Variants in ANKRD12 observed in about 807,000 individuals in gnomAD.
ANKRD12 encodes ankyrin repeat domain-containing protein 12.
ANKRD12 carries 85 observed loss-of-function variants against 183.4 expected under a neutral mutation model. The observed-to-expected ratio is 0.46, with a 90% CI of 0.39 to 0.56. ANKRD12 has a LOEUF of 0.56. Among genes scored for constraint, ANKRD12 ranks in the 20% least tolerant of loss-of-function variants. The pLI is 0.00. For missense variants in ANKRD12, 2,405 were observed against 2,357.1 expected (o/e 1.02, Z -0.42); for synonymous variants, 914 against 800.2 (o/e 1.14, Z -2.40).
intron 8 of ANKRD12, among the ~76,000 whole-genome samples, chr18:9,244,009 C>T (rs1363428739): frequency 6.6e-6 from 1 of 152,018 alleles, no homozygotes; most frequent in African/African-American, 2.4e-5. Flanking sequence ...GGCCAGGCTA[C>T]TATAATCTCA....
intron 3 of ANKRD12, among the ~76,000 whole-genome samples, chr18:9,199,544 G>A (rs937613217): frequency 6.6e-6 from 1 of 152,076 alleles, no homozygotes; most frequent in African/African-American, 2.4e-5. Context: ...AAAGGGTAGG[G>A]AATAAGGAGA....
intron 1 of ANKRD12, among the ~76,000 whole-genome samples, chr18:9,161,766 A>AAT (rs371482083): frequency 0.017 from 2,563 of 151,502 alleles, 26 homozygotes; most frequent in Non-Finnish European, 0.027. Context: ...ATATATATAA[A>AAT]ATATATATAT....
At chr18:9,203,583 ATG>A (rs35436449) in intron 3 of ANKRD12, among the ~76,000 whole-genome samples, 7 of 151,538 alleles carry the variant, frequency 4.6e-5, no homozygotes, top group Non-Finnish European at 8.8e-5. Flanking sequence ...ATATATATAT[ATG>A]TGTGTGTGTG....
chr18:9,218,105 A>G (rs187502408), intron 7 of ANKRD12, among the ~76,000 whole-genome samples: 2 of 152,332 alleles, frequency 1.3e-5, no homozygotes, highest in East Asian at 1.9e-4. Flanking sequence ...TCCTTTGAAT[A>G]TGATAATAAA....
At chr18:9,182,566 AG>A in intron 2 of ANKRD12, 47 bp downstream of exon 2, 2 of 1,267,276 alleles carry the variant, frequency 1.6e-6, no homozygotes, top group Non-Finnish European at 2.2e-6. Flanking sequence ...ACTGGGAAAA[AG>A]ACTCCCAATT....
Position 9,257,427 on chromosome 18 carries a change from A to G in ANKRD12, c.4160A>G (p.Asn1387Ser), listed in dbSNP as rs1194595150. 5 of 1,614,126 alleles carry G rather than the reference A, an allele frequency of 3.1e-6. No homozygotes were observed. The East Asian group carries it at 6.7e-5, about 22-fold the overall frequency. ...SNSKYVSADR[N>S]LIKNTAPVNT... ...AGCAAGTATGTTTCAGCTGATAGAA[A>G]TCTCATCAAGAATACTGCCCCAGTG... The change falls in exon 9 of 13, where the codon AAT (asparagine) becomes AGT (serine). Residue 1387 changes from asparagine (N) to serine (S), a missense_variant. Asn to Ser is a conservative substitution (Grantham distance 46). Around this residue, in one of 7 missense-constraint regions of ANKRD12, gnomAD observed 1,983 missense variants for 1,725.9 expected, o/e 1.15. Coordinates refer to ENST00000262126, the MANE Select transcript of ANKRD12 (RefSeq NM_015208.5).
intron 8 of ANKRD12, among the ~76,000 whole-genome samples, chr18:9,228,586 T>A (rs1214060085): frequency 6.6e-6 from 1 of 152,222 alleles, no homozygotes; most frequent in Admixed American, 6.5e-5. Context: ...CGAGAATTTT[T>A]TCATATATTA....
chr18:9,272,566 AAAAAAAG>A (rs569559287), intron 10 of ANKRD12, among the ~76,000 whole-genome samples: 13 of 152,238 alleles, frequency 8.5e-5, no homozygotes, highest in African/African-American at 2.6e-4. Context: ...CATCTCAAAA[AAAAAAAG>A]AAAAAAGAAA....
intron 8 of ANKRD12, among the ~76,000 whole-genome samples, chr18:9,242,646 C>CACA (rs2037729824): frequency 6.6e-6 from 1 of 152,026 alleles, no homozygotes; most frequent in African/African-American, 2.4e-5. Flanking sequence ...GTCTTATTTT[C>CACA]AGAGGAAAAA....
intron 8 of ANKRD12, among the ~76,000 whole-genome samples, chr18:9,252,477 A>C (rs749321071): frequency 6.6e-6 from 1 of 152,184 alleles, no homozygotes; most frequent in Non-Finnish European, 1.5e-5. Flanking sequence ...TTCATCATGG[A>C]CATTAGTGTC....
At chr18:9,271,166 G>C (rs920296051) in intron 10 of ANKRD12, among the ~76,000 whole-genome samples, 3 of 152,042 alleles carry the variant, frequency 2.0e-5, no homozygotes, top group African/African-American at 7.3e-5. Context: ...CAACCTTCCA[G>C]GCTCAAACCA....
chr18:9,253,034 A>G (rs1285419924), intron 8 of ANKRD12, among the ~76,000 whole-genome samples: 1 of 152,176 alleles, frequency 6.6e-6, no homozygotes, highest in Non-Finnish European at 1.5e-5. Flanking sequence ...ATATAAATGT[A>G]TATATAAATA....
chr18:9,179,820 G>T (rs879794882), intron 1 of ANKRD12, among the ~76,000 whole-genome samples: 4 of 152,154 alleles, frequency 2.6e-5, no homozygotes, highest in Non-Finnish European at 5.9e-5. Context: ...ACTTGGCCTG[G>T]TTTAATTTCT....
intron 1 of ANKRD12, among the ~76,000 whole-genome samples, chr18:9,143,376 A>C (rs577765522): frequency 1.3e-5 from 2 of 152,342 alleles, no homozygotes; most frequent in East Asian, 3.9e-4. Flanking sequence ...TGACGTGATC[A>C]TCCAGTAGTG....
chr18:9,249,075 C>G (rs982625468), intron 8 of ANKRD12, among the ~76,000 whole-genome samples: 2 of 152,196 alleles, frequency 1.3e-5, no homozygotes, highest in Admixed American at 1.3e-4. Flanking sequence ...ATAAATTTAA[C>G]ATTAAGCACT....
chr18:9,193,089 T>G (rs1199874178), intron 2 of ANKRD12, among the ~76,000 whole-genome samples: 2 of 152,054 alleles, frequency 1.3e-5, no homozygotes, highest in Non-Finnish European at 2.9e-5. Context: ...AAATTACCCA[T>G]TTTTACAGGC....
At chr18:9,233,123 A>C (rs2037149888) in intron 8 of ANKRD12, among the ~76,000 whole-genome samples, 1 of 152,022 alleles carries the variant, frequency 6.6e-6, no homozygotes, top group Non-Finnish European at 1.5e-5. Context: ...AAGTGCTGTG[A>C]TTACAGATGT....
chr18:9,253,144 C>A (rs1225182423), intron 8 of ANKRD12, among the ~76,000 whole-genome samples: 3 of 152,026 alleles, frequency 2.0e-5, no homozygotes, highest in Non-Finnish European at 4.4e-5. Flanking sequence ...TACAAGTATA[C>A]AATGTGTAAA....
At chr18:9,158,762 C>T (rs2030974374) in intron 1 of ANKRD12, among the ~76,000 whole-genome samples, 1 of 152,154 alleles carries the variant, frequency 6.6e-6, no homozygotes, top group Non-Finnish European at 1.5e-5. Context: ...ACATGCTCTT[C>T]CTCCTAGAGA....
Sources: allele counts gnomAD v4.1 joint callset (sites outside exome capture counted in the v4.1 genomes callset), GRCh38; gene constraint gnomAD v4.1.1; regional missense constraint gnomAD v4.1.1; transcripts MANE v1.5; gene names NCBI Gene and HGNC (gene_info 2026-07-23, HGNC 2026-07-21).